RBFOX1: variants seen among roughly 807,000 people sequenced by gnomAD.
RBFOX1 encodes the protein RNA binding protein fox-1 homolog 1.
Under a neutral mutation model 57.7 loss-of-function variants are expected in RBFOX1, and 8 were observed. That is an observed-to-expected ratio of 0.14 (90% confidence interval 0.08 to 0.25). The LOEUF (loss-of-function observed/expected upper bound fraction) is 0.25. Ranked by LOEUF, RBFOX1 falls within the 10% of genes least tolerant of loss-of-function variation. The pLI is 1.00. For synonymous variants in RBFOX1, 326 were observed against 222.4 expected, an observed-to-expected ratio of 1.47 and a Z score of -4.15; for missense variants, 611 against 548.5, an observed-to-expected ratio of 1.11 and a Z score of -1.14.
chr16:5,339,545 C>A (rs1242509494), intron 1 of RBFOX1, among the ~76,000 whole-genome samples: 2 of 122,666 alleles, frequency 1.6e-5, no homozygotes, highest in Non-Finnish European at 3.2e-5. Flanking sequence ...TGCAGTGTCA[C>A]AATCTTAGCT....
chr16:5,853,440 C>T (rs868684060), intron 3 of RBFOX1, among the ~76,000 whole-genome samples: 4 of 152,194 alleles, frequency 2.6e-5, no homozygotes, highest in African/African-American at 9.7e-5. Context: ...GCTTGAGGAG[C>T]CAGGTCTGGT....
chr16:6,041,443 T>C (rs929586667), intron 1 of RBFOX1, among the ~76,000 whole-genome samples: 5 of 152,202 alleles, frequency 3.3e-5, no homozygotes, highest in African/African-American at 1.2e-4. Flanking sequence ...ATCTATTCTG[T>C]GTTGGGCACT....
chr16:7,709,653 C>G (rs1375237695), intron 15 of RBFOX1: 1 of 1,519,792 alleles, frequency 6.6e-7, no homozygotes, highest in Admixed American at 2.0e-5. Flanking sequence ...GAGGGGCACA[C>G]TTTGTGTGTG....
intron 12 of RBFOX1, among the ~76,000 whole-genome samples, chr16:7,662,035 A>T (rs2067890452): frequency 6.6e-6 from 1 of 152,156 alleles, no homozygotes; most frequent in Admixed American, 6.5e-5. Flanking sequence ...TAATGAAAGA[A>T]GGGATCAGTT....
chr16:6,239,123 C>A (rs1005018861), intron 1 of RBFOX1, among the ~76,000 whole-genome samples: 1 of 152,076 alleles, frequency 6.6e-6, no homozygotes, highest in African/African-American at 2.4e-5. Context: ...CCACCCCATT[C>A]CCACAGCATA....
At chr16:6,007,946 C>G (rs959310378) in intron 4 of RBFOX1, among the ~76,000 whole-genome samples, 2 of 152,126 alleles carry the variant, frequency 1.3e-5, no homozygotes, top group Non-Finnish European at 2.9e-5. Context: ...GGTGCAGTGG[C>G]TCACATCTGT....
At chr16:6,875,195 T>C (rs963051263) in intron 3 of RBFOX1, among the ~76,000 whole-genome samples, 1 of 152,240 alleles carries the variant, frequency 6.6e-6, no homozygotes, top group African/African-American at 2.4e-5. Context: ...TGTATTATTA[T>C]AGTGCTACGG....
At chr16:6,155,172 G>A (rs746911537) in intron 1 of RBFOX1, among the ~76,000 whole-genome samples, 10 of 152,160 alleles carry the variant, frequency 6.6e-5, no homozygotes, top group African/African-American at 1.2e-4. Context: ...AAAGTAGTCC[G>A]GAGTGAGTCC....
intron 4 of RBFOX1, among the ~76,000 whole-genome samples, chr16:5,930,870 A>G (rs1422640879): frequency 8.2e-6 from 1 of 121,984 alleles, no homozygotes. Flanking sequence ...GGATGGATGT[A>G]TGGCTGGGTA....
intron 1 of RBFOX1, among the ~76,000 whole-genome samples, chr16:6,032,233 C>G (rs1438977980): frequency 1.3e-5 from 2 of 152,120 alleles, no homozygotes; most frequent in Admixed American, 1.3e-4. Context: ...TTTCCTCGTT[C>G]TCGCCTAGGT....
intron 3 of RBFOX1, among the ~76,000 whole-genome samples, chr16:6,826,825 TA>T (rs2154281580): frequency 6.6e-6 from 1 of 152,296 alleles, no homozygotes; most frequent in South Asian, 2.1e-4. Context: ...TAATGTAAGA[TA>T]AATTAATTTT....
chr16:7,375,201 A>G (rs527799764), intron 4 of RBFOX1, among the ~76,000 whole-genome samples: 51 of 152,368 alleles, frequency 3.3e-4, no homozygotes, highest in Non-Finnish European at 6.5e-4. Context: ...TCTGAAGATC[A>G]GAGAAGTACA....
chr16:5,862,256 C>T (rs976179992), intron 3 of RBFOX1, among the ~76,000 whole-genome samples: 1 of 152,186 alleles, frequency 6.6e-6, no homozygotes, highest in African/African-American at 2.4e-5. Flanking sequence ...TCGTGTTTAC[C>T]TGGAATGCCA....
intron 3 of RBFOX1, among the ~76,000 whole-genome samples, chr16:7,010,990 T>C (rs1302956298): frequency 6.6e-6 from 1 of 152,188 alleles, no homozygotes; most frequent in Non-Finnish European, 1.5e-5. Context: ...TGTTCTTTCC[T>C]GTTATATTTT....
chr16:7,697,165 G>A (rs1452275203), intron 14 of RBFOX1, among the ~76,000 whole-genome samples: 1 of 152,206 alleles, frequency 6.6e-6, no homozygotes, highest in Non-Finnish European at 1.5e-5. Context: ...AGGGCAATGG[G>A]GGGGCCCTTA....
chr16:5,412,193 G>C lies in RBFOX1; in HGVS notation c.220-55023G>C, dbSNP rs112370686. ...AGACCTGGGTTTGAACCCTGGCCAG[G>C]CTCCTGACTTGCTATGAGAACTTGG... is the stretch of plus-strand genomic sequence containing the variant. On this transcript the variant is annotated intron_variant, in intron 1 of 2. Transcript: ENST00000585867. Among the ~76,000 whole-genome samples the C allele has an allele frequency of 6.5e-3, 995 of 152,066 alleles. 5 individuals carry two copies. The highest frequency in any genetic ancestry group is 0.022 in the African/African-American group (904 of 41,474).
At chr16:7,402,698 G>GGC (rs2098265494) in intron 4 of RBFOX1, among the ~76,000 whole-genome samples, 1 of 152,140 alleles carries the variant, frequency 6.6e-6, no homozygotes, top group South Asian at 2.1e-4. Flanking sequence ...GACAGCCACT[G>GGC]GCACCTAATA....
At chr16:6,167,066 C>T (rs776079496) in intron 1 of RBFOX1, among the ~76,000 whole-genome samples, 1 of 152,214 alleles carries the variant, frequency 6.6e-6, no homozygotes, top group Non-Finnish European at 1.5e-5. Context: ...AGCCATCCTG[C>T]CCTGCCTTGC....
chr16:7,625,231 G>C (rs911072703), intron 10 of RBFOX1, among the ~76,000 whole-genome samples: 1 of 152,114 alleles, frequency 6.6e-6, no homozygotes, highest in Non-Finnish European at 1.5e-5. Context: ...CTGGGCACAG[G>C]TGGTGACAAG....
Sources: allele counts gnomAD v4.1 joint callset (sites outside exome capture counted in the v4.1 genomes callset), GRCh38; gene constraint gnomAD v4.1.1; transcripts MANE v1.5; gene names NCBI Gene and HGNC (gene_info 2026-07-23, HGNC 2026-07-21).